ZNF521: variants seen among roughly 807,000 people sequenced by gnomAD.
The protein encoded by ZNF521 is zinc finger protein 521.
In ZNF521, 14 loss-of-function variants were observed where a neutral mutation model predicts 105.5. The ratio of observed to expected loss-of-function variants is 0.13; its 90% CI spans 0.09 to 0.21. ZNF521 has a LOEUF of 0.21. Among genes scored for constraint, ZNF521 ranks in the 10% least tolerant of loss-of-function variants. The probability of loss-of-function intolerance (pLI) is 1.00; values close to 1 mark genes in which losing one functional copy is unlikely to be tolerated. For synonymous variants in ZNF521, 635 were observed against 606.0 expected, an observed-to-expected ratio of 1.05 and a Z score of -0.70; for missense variants, 1,233 against 1,629.7, an observed-to-expected ratio of 0.76 and a Z score of 4.19.
chr18:25,232,095 A>G (rs1459496515), intron 3 of ZNF521, among the ~76,000 whole-genome samples: 1 of 152,204 alleles, frequency 6.6e-6, no homozygotes, highest in African/African-American at 2.4e-5. Context: ...CAGGATTTAC[A>G]TCAATGGTTA....
chr18:25,192,848 T>G (rs1235721661), intron 5 of ZNF521, among the ~76,000 whole-genome samples: 1 of 152,074 alleles, frequency 6.6e-6, no homozygotes. Context: ...ACTCCCTTGG[T>G]TTTTGCATTC....
chr18:25,181,808 A>AG (rs892739361), intron 5 of ZNF521, among the ~76,000 whole-genome samples: 6 of 152,296 alleles, frequency 3.9e-5, no homozygotes, highest in African/African-American at 1.2e-4. Flanking sequence ...AGGAAGGCTG[A>AG]CCCTGCAGTC....
intron 2 of ZNF521, among the ~76,000 whole-genome samples, chr18:25,349,480 G>T (rs894395268): frequency 6.6e-6 from 1 of 152,204 alleles, no homozygotes; most frequent in Non-Finnish European, 1.5e-5. Context: ...TAGGAAAAAA[G>T]CAAGCGTTCC....
intron 5 of ZNF521, among the ~76,000 whole-genome samples, chr18:25,193,225 G>A (rs2144628791): frequency 6.6e-6 from 1 of 152,168 alleles, no homozygotes. Context: ...ACTGATTAAT[G>A]TTTATAGGCA....
At chr18:25,159,167 T>C (rs1378630498) in intron 5 of ZNF521, among the ~76,000 whole-genome samples, 1 of 152,174 alleles carries the variant, frequency 6.6e-6, no homozygotes, top group Non-Finnish European at 1.5e-5. Flanking sequence ...AGGATATGGT[T>C]ACAAGAAAAT....
At chr18:25,179,162 G>A (rs1331295182) in intron 5 of ZNF521, among the ~76,000 whole-genome samples, 2 of 60,026 alleles carry the variant, frequency 3.3e-5, no homozygotes, top group African/African-American at 6.1e-5. Flanking sequence ...TTTTTTTGGT[G>A]GTGGTGGCAG....
chr18:25,342,427 GTTTGTTTT>G (rs1372295444), intron 2 of ZNF521, among the ~76,000 whole-genome samples: 6 of 148,616 alleles, frequency 4.0e-5, no homozygotes, highest in Middle Eastern at 3.4e-3. Flanking sequence ...TTGTTTGTTT[GTTTGTTTT>G]TTTTGAGACA....
At chr18:25,264,879 G>C (rs1322392549) in intron 3 of ZNF521, among the ~76,000 whole-genome samples, 2 of 152,112 alleles carry the variant, frequency 1.3e-5, no homozygotes, top group African/African-American at 4.8e-5. Context: ...TGGACACCAT[G>C]AAAAGGAAAA....
At chr18:25,195,563 C>G (rs557966597) in intron 4 of ZNF521, among the ~76,000 whole-genome samples, 1 of 121,134 alleles carries the variant, frequency 8.3e-6, no homozygotes, top group Non-Finnish European at 1.9e-5. Flanking sequence ...TTTAAAAAAA[C>G]ATGCGTATTA....
At chr18:25,258,898 A>C (rs1908705128) in intron 3 of ZNF521, among the ~76,000 whole-genome samples, 1 of 152,202 alleles carries the variant, frequency 6.6e-6, no homozygotes, top group African/African-American at 2.4e-5. Context: ...TATTATAATA[A>C]AAATAATAGC....
intron 4 of ZNF521, among the ~76,000 whole-genome samples, chr18:25,197,573 T>G (rs1030556005): frequency 4.0e-5 from 6 of 151,834 alleles, no homozygotes; most frequent in African/African-American, 1.4e-4. Context: ...GATTATAACC[T>G]CTGAACAGTG....
At chr18:25,111,449 T>C (rs1011352713) in intron 5 of ZNF521, among the ~76,000 whole-genome samples, 13 of 152,158 alleles carry the variant, frequency 8.5e-5, no homozygotes, top group African/African-American at 3.1e-4. Flanking sequence ...ATTAACTTAA[T>C]AGTTACTAGG....
intron 3 of ZNF521, among the ~76,000 whole-genome samples, chr18:25,308,538 C>A (rs563176780): frequency 6.6e-6 from 1 of 152,092 alleles, no homozygotes; most frequent in South Asian, 2.1e-4. Context: ...TCTCTTCTGT[C>A]GACCTGAAGC....
intron 5 of ZNF521, among the ~76,000 whole-genome samples, chr18:25,106,311 T>G (rs180745513): frequency 6.6e-6 from 1 of 152,150 alleles, no homozygotes; most frequent in Non-Finnish European, 1.5e-5. Flanking sequence ...CTTACTGAGT[T>G]GATTTGGAAA....
intron 3 of ZNF521, among the ~76,000 whole-genome samples, chr18:25,291,494 T>C (rs1568059585): frequency 6.6e-6 from 1 of 152,154 alleles, no homozygotes; most frequent in Non-Finnish European, 1.5e-5. Flanking sequence ...AGTAATGAAT[T>C]TGAGCTTCAG....
intron 7 of ZNF521, among the ~76,000 whole-genome samples, chr18:25,085,070 G>T (rs962668721): frequency 1.3e-5 from 2 of 152,050 alleles, no homozygotes; most frequent in African/African-American, 2.4e-5. Flanking sequence ...TGTTCATTGA[G>T]TTGAAATAAT....
chr18:25,185,966 G>A (rs1383904334), intron 5 of ZNF521, among the ~76,000 whole-genome samples: 1 of 152,046 alleles, frequency 6.6e-6, no homozygotes, highest in Non-Finnish European at 1.5e-5. Flanking sequence ...CAGGCTCTCC[G>A]TTTTCTATTT....
rs376592689 is a variant in ZNF521 at position 25,351,892 on chromosome 18, A to G, written c.-2+113T>C. 8.7e-3 allele frequency: 2,404 copies of G among 275,754 alleles called. 30 individuals carry two copies. Among genetic ancestry groups the G allele is most frequent in the African/African-American group, 0.015 (621 of 41,802 alleles). 17.1% of individuals were successfully genotyped at this position (275,754 alleles called of 1,614,324 possible). On this transcript the variant is annotated intron_variant, in intron 1 of 7. Transcript: ENST00000361524. ...CTGCCTCGGCAGCGGCGGCGGCAGC[A>G]GCGGCGGCAGCGGCGGCGGCAGCGG...
chr18:25,106,499 T>G (rs1003208844), intron 5 of ZNF521, among the ~76,000 whole-genome samples: 2 of 152,192 alleles, frequency 1.3e-5, no homozygotes, highest in Admixed American at 1.3e-4. Context: ...GTAGCATTTT[T>G]CTTTCCTAAA....
Sources: allele counts gnomAD v4.1 joint callset (sites outside exome capture counted in the v4.1 genomes callset), GRCh38; gene constraint gnomAD v4.1.1; transcripts MANE v1.5; gene names NCBI Gene and HGNC (gene_info 2026-07-23, HGNC 2026-07-21).